The following RFX6 variants were observed in gnomAD, a reference collection of about 807,000 sequenced individuals.
The protein encoded by RFX6 is DNA-binding protein RFX6.
A neutral mutation model predicts 110.8 loss-of-function variants in RFX6; 50 were observed. The observed-to-expected ratio is 0.45, with a 90% CI of 0.36 to 0.57. The LOEUF is 0.57. Ranked by LOEUF, RFX6 falls within the 20% of genes least tolerant of loss-of-function variation. RFX6 has a pLI of 0.00. For missense variants in RFX6, 990 were observed against 1,127.0 expected (o/e 0.88, Z 1.74); for synonymous variants, 383 against 411.2 (o/e 0.93, Z 0.83).
intron 4 of RFX6, among the ~76,000 whole-genome samples, chr6:116,890,443 G>T (rs902824147): frequency 2.0e-5 from 3 of 152,040 alleles, no homozygotes; most frequent in African/African-American, 2.4e-5. Context: ...TCACAAGACT[G>T]TTAACTCCTC....
chr6:116,925,627 C>T lies in RFX6; in HGVS notation c.1853C>T (p.Pro618Leu), dbSNP rs1311456667. The change falls in exon 16 of 19, where the codon CCT becomes CTT. Residue 618 changes from proline (P) to leucine (L), a missense_variant. Coordinates refer to ENST00000332958, the MANE Select transcript of RFX6 (RefSeq NM_173560.4). ...CTAGGCCCTGCTCTGCACCAGTTCC[C>T]TGCTGGGAACACAGACAACATGCCG... is the stretch of plus-strand genomic sequence containing the variant. ...GGLGPALHQFPAGNTDNMPLT... is the reference protein window; with the variant it reads ...GGLGPALHQFLAGNTDNMPLT... 2 of 1,613,974 alleles carry T rather than the reference C, an allele frequency of 1.2e-6. No homozygotes were observed. The highest frequency in any genetic ancestry group is 1.1e-5 in the South Asian group (1 of 91,080).
intron 18 of RFX6, among the ~76,000 whole-genome samples, chr6:116,929,193 G>A (rs1265378939): frequency 3.3e-5 from 5 of 152,064 alleles, no homozygotes; most frequent in Non-Finnish European, 1.5e-5. Context: ...CCTACTGCTA[G>A]ATCTGTTACT....
At chr6:116,910,514 G>A (rs554599694) in intron 6 of RFX6, among the ~76,000 whole-genome samples, 35 of 152,234 alleles carry the variant, frequency 2.3e-4, no homozygotes, top group Admixed American at 5.9e-4. Flanking sequence ...ATTATTTTAC[G>A]TTCAATCATC....
At chr6:116,885,017 A>AT (rs1250174654) in intron 4 of RFX6, 2 of 152,132 alleles carry the variant, frequency 1.3e-5, no homozygotes, top group South Asian at 2.1e-4. Context: ...GTAAATAGTA[A>AT]TTTTTTTGAC....
At chr6:116,903,985 C>T (rs1775139245) in intron 6 of RFX6, among the ~76,000 whole-genome samples, 1 of 151,864 alleles carries the variant, frequency 6.6e-6, no homozygotes, top group African/African-American at 2.4e-5. Flanking sequence ...AATTATTTTC[C>T]AGAGTGGTTG....
At chr6:116,908,693 C>G (rs895913880) in intron 6 of RFX6, among the ~76,000 whole-genome samples, 41 of 64,682 alleles carry the variant, frequency 6.3e-4, no homozygotes, top group South Asian at 2.3e-3. Context: ...CACACAGACA[C>G]ACACACACAC....
chr6:116,926,032 T>C (rs1231199082), intron 16 of RFX6, among the ~76,000 whole-genome samples: 1 of 152,114 alleles, frequency 6.6e-6, no homozygotes, highest in African/African-American at 2.4e-5. Context: ...AAAAGTAGTT[T>C]CGGGCTGGGT....
Position 116,924,781 on chromosome 6 carries a change from G to C in RFX6, c.1668G>C (p.Met556Ile). 6.3e-7 allele frequency: 1 copy of C among 1,583,296 alleles called. No homozygotes were observed. The highest frequency in any genetic ancestry group is 8.7e-7 in the Non-Finnish European group (1 of 1,152,146). ...TACAGAATTTATTGGACAAGTATAT[G>C]AAGAATTCAGGTAACTTAAAATAAC... is the stretch of plus-strand genomic sequence containing the variant. ...QELQNLLDKY[M>I]KNSDASKAAF... Residue 556 changes from methionine to isoleucine, a missense_variant, in exon 15 of 19, where the codon ATG becomes ATC. Physicochemically the swap from Met to Ile is conservative, Grantham distance 10 (BLOSUM62 1). This residue lies in a region of RFX6 where 89 missense variants were observed against 140.3 expected (regional missense o/e 0.63). Transcript: ENST00000332958.
chr6:116,883,039 T>C (rs1409295007), intron 4 of RFX6, among the ~76,000 whole-genome samples: 1 of 152,192 alleles, frequency 6.6e-6, no homozygotes, highest in East Asian at 1.9e-4. Context: ...CTATGCGTAC[T>C]GTGTTTTCAG....
At chr6:116,918,600 G>GAA (rs71012344) in intron 10 of RFX6, among the ~76,000 whole-genome samples, 40,327 of 143,288 alleles carry the variant, frequency 0.28, 5,945 homozygotes, top group South Asian at 0.4. Context: ...ATAGAATTCT[G>GAA]AAAAAAAAAA....
chr6:116,906,075 T>A (rs2114683535), intron 6 of RFX6, among the ~76,000 whole-genome samples: 1 of 152,324 alleles, frequency 6.6e-6, no homozygotes, highest in Non-Finnish European at 1.5e-5. Flanking sequence ...AATGTGGACA[T>A]CCAGTTTTCT....
intron 13 of RFX6, 141 bp from the exon 14 acceptor site, chr6:116,922,966 C>CAGAT (rs1257260717): frequency 1.3e-5 from 9 of 716,202 alleles, no homozygotes; most frequent in African/African-American, 8.8e-5. Flanking sequence ...ATTCCCTGGA[C>CAGAT]AGATAGTTTT....
chr6:116,920,497 A>C, intron 12 of RFX6, 43 bp downstream of exon 12: 24 of 1,561,680 alleles, frequency 1.5e-5, no homozygotes, highest in Non-Finnish European at 1.9e-5. Context: ...TTCTAAGCTC[A>C]GAAAATTGAC....
chr6:116,919,344 TG>T (rs747793534), intron 11 of RFX6, 48 bp downstream of exon 11: 2 of 1,535,328 alleles, frequency 1.3e-6, no homozygotes, highest in South Asian at 2.2e-5. Flanking sequence ...ATATAAAAAA[TG>T]AATCTTCTGA....
At chr6:116,926,396 T>G (rs904892896) in intron 16 of RFX6, among the ~76,000 whole-genome samples, 2 of 152,216 alleles carry the variant, frequency 1.3e-5, no homozygotes, top group African/African-American at 2.4e-5. Context: ...CATGAATATT[T>G]GGTGGCTTGA....
chr6:116,906,208 C>G (rs1420583385), intron 6 of RFX6, among the ~76,000 whole-genome samples: 1 of 152,172 alleles, frequency 6.6e-6, no homozygotes, highest in African/African-American at 2.4e-5. Flanking sequence ...ACTGGCCTCT[C>G]TGTTCTATTC....
intron 4 of RFX6, among the ~76,000 whole-genome samples, chr6:116,892,583 A>T (rs1774855797): frequency 6.6e-6 from 1 of 152,208 alleles, no homozygotes; most frequent in African/African-American, 2.4e-5. Context: ...TGTGCAGTCC[A>T]GTTCCCTCAC....
At chr6:116,927,663 CT>C in intron 17 of RFX6, 124 bp downstream of exon 17, 1 of 814,914 alleles carries the variant, frequency 1.2e-6, no homozygotes, top group Non-Finnish European at 2.0e-6. Context: ...ATCATGGAAT[CT>C]TAGACATTTG....
At chr6:116,883,934 T>G (rs1774646460) in intron 4 of RFX6, among the ~76,000 whole-genome samples, 1 of 152,176 alleles carries the variant, frequency 6.6e-6, no homozygotes, top group African/African-American at 2.4e-5. Flanking sequence ...TAATTTCTAC[T>G]ATTAACAACA....
Sources: gnomAD v4.1 joint callset for allele counts (sites outside exome capture counted in the v4.1 genomes callset) on GRCh38, gnomAD v4.1.1 for gene constraint, gnomAD v4.1.1 regional missense constraint, MANE v1.5 for transcripts, NCBI Gene and HGNC (gene_info 2026-07-23, HGNC 2026-07-21) for gene names.